Variants in ARHGAP26 observed in about 807,000 individuals in gnomAD.
The protein encoded by ARHGAP26 is rho GTPase-activating protein 26.
Under a neutral mutation model 104.8 loss-of-function variants are expected in ARHGAP26, and 38 were observed. The observed-to-expected ratio is 0.36, with a 90% CI of 0.28 to 0.48. The LOEUF (loss-of-function observed/expected upper bound fraction) is 0.48, where lower values mean the gene tolerates loss of function less well. ARHGAP26 is among the 20% of genes least tolerant of loss of function. The pLI, the probability that ARHGAP26 is intolerant of heterozygous loss-of-function variation, is 0.99. For synonymous variants in ARHGAP26, 341 were observed against 340.0 expected, an observed-to-expected ratio of 1.00 and a Z score of -0.03; for missense variants, 704 against 947.9, an observed-to-expected ratio of 0.74 and a Z score of 3.38.
chr5:142,850,317 A>G (rs1246788415), intron 1 of ARHGAP26, among the ~76,000 whole-genome samples: 3 of 152,208 alleles, frequency 2.0e-5, no homozygotes, highest in Non-Finnish European at 2.9e-5. Flanking sequence ...CCTTAGAGGA[A>G]CATCATCCTT....
chr5:143,017,329 GTAT>G (rs1217003092), intron 12 of ARHGAP26, among the ~76,000 whole-genome samples: 1 of 152,188 alleles, frequency 6.6e-6, no homozygotes, highest in Admixed American at 6.5e-5. Context: ...TCAGCTGCTG[GTAT>G]TTTCCAAATG....
Position 143,222,431 on chromosome 5 carries a change from C to T in ARHGAP26, c.2265C>T (p.Tyr755=), listed in dbSNP as rs373130463. ...NGKTGLIPEN[Y]VEFL ...AGACTGGCCTCATCCCTGAGAATTACGTGGAGTTCCTCTAACCGTGGGCCC... is the reference window on the plus strand; with the variant it reads ...AGACTGGCCTCATCCCTGAGAATTATGTGGAGTTCCTCTAACCGTGGGCCC... The change falls in exon 23 of 23, where the codon TAC becomes TAT. Residue 755 remains tyrosine (Y), a synonymous_variant. Coordinates refer to ENST00000645722, the MANE Select transcript of ARHGAP26 (RefSeq NM_001135608.3). 4.5e-5 allele frequency: 72 copies of T among 1,598,196 alleles called. No homozygotes were observed. In the African/African-American group the frequency reaches 6.9e-4, roughly 15 times the overall value.
intron 1 of ARHGAP26, among the ~76,000 whole-genome samples, chr5:142,785,095 T>G (rs1758297340): frequency 6.6e-6 from 1 of 152,054 alleles, no homozygotes; most frequent in South Asian, 2.1e-4. Context: ...CATGCCCGGC[T>G]AATTTTTTGT....
At chr5:142,802,591 G>A (rs982858083) in intron 1 of ARHGAP26, among the ~76,000 whole-genome samples, 9 of 152,186 alleles carry the variant, frequency 5.9e-5, no homozygotes, top group African/African-American at 1.7e-4. Flanking sequence ...GATGTTAAGC[G>A]GGGATTCCAT....
At chr5:143,037,132 A>T in intron 12 of ARHGAP26, 64 bp from the exon 13 acceptor site, 1 of 1,385,066 alleles carries the variant, frequency 7.2e-7, no homozygotes, top group Non-Finnish European at 1.0e-6. Context: ...TGGTTTGGTT[A>T]AGCCCTATCC....
At chr5:142,965,157 A>G (rs1454811830) in intron 11 of ARHGAP26, among the ~76,000 whole-genome samples, 3 of 152,184 alleles carry the variant, frequency 2.0e-5, no homozygotes, top group Admixed American at 6.5e-5. Flanking sequence ...TACTACTGCT[A>G]TCTAGAAGGC....
At chr5:142,964,246 T>G (rs1479145031) in intron 11 of ARHGAP26, among the ~76,000 whole-genome samples, 1 of 152,198 alleles carries the variant, frequency 6.6e-6, no homozygotes, top group Non-Finnish European at 1.5e-5. Flanking sequence ...GTAAGTAGGC[T>G]TAATGCAGTT....
rs1811405944 is a variant in ARHGAP26, at chr5:143,223,175, C to G, written c.*729C>G. 3 of 233,356 alleles carry G rather than the reference C, an allele frequency of 1.3e-5. No homozygotes were observed. In the South Asian group the frequency reaches 5.4e-4, roughly 42 times the overall value. The allele number at this position is 233,356 out of a possible 1,614,324, so 14.5% of individuals were successfully genotyped here. ...AGTAACCACGGCAACCCAACCTACTCTAAAACCAAACCAAAAAAATAAAAT... is the reference window on the plus strand; with the variant it reads ...AGTAACCACGGCAACCCAACCTACTGTAAAACCAAACCAAAAAAATAAAAT... On this transcript the variant is annotated 3_prime_UTR_variant, in exon 23 of 23. Transcript: ENST00000645722.
intron 1 of ARHGAP26, among the ~76,000 whole-genome samples, chr5:142,834,366 T>G (rs1769136362): frequency 6.6e-6 from 1 of 152,246 alleles, no homozygotes; most frequent in Non-Finnish European, 1.5e-5. Flanking sequence ...CAACTTGGAT[T>G]TTGCCTCCTG....
intron 1 of ARHGAP26, among the ~76,000 whole-genome samples, chr5:142,858,748 T>A (rs114960720): frequency 0.018 from 2,706 of 152,242 alleles, 36 homozygotes; most frequent in Non-Finnish European, 0.028. Context: ...TCAAAGAGAT[T>A]ACCAATTGAA....
At chr5:143,174,370 G>A (rs1036564063) in intron 20 of ARHGAP26, among the ~76,000 whole-genome samples, 2 of 152,060 alleles carry the variant, frequency 1.3e-5, no homozygotes, top group Admixed American at 6.6e-5. Context: ...AATAACTGGT[G>A]GTCATTTGTT....
At chr5:143,017,254 C>G (rs1779717451) in intron 12 of ARHGAP26, among the ~76,000 whole-genome samples, 1 of 152,226 alleles carries the variant, frequency 6.6e-6, no homozygotes, top group South Asian at 2.1e-4. Flanking sequence ...TTGCTTTCAT[C>G]TCGAAGTTTC....
rs10062064 is a variant in ARHGAP26, at chr5:142,832,503, C to T, written c.155-40897C>T. 9.4e-3 allele frequency among the ~76,000 whole-genome samples: 1,439 copies of T among 152,318 alleles called. 24 individuals carry two copies. The highest frequency in any genetic ancestry group is 0.033 in the African/African-American group (1,382 of 41,566). The stretch of plus-strand genomic sequence containing the variant: ...CTGGCACCCTCATCTTGTCTTCCAG[C>T]CTCCAGAACTGTGAGAAAATAAAGT... On this transcript the variant is annotated intron_variant, in intron 1 of 22. Coordinates refer to ENST00000645722, the MANE Select transcript of ARHGAP26 (RefSeq NM_001135608.3).
At chr5:142,911,173 C>T (rs975104342) in intron 9 of ARHGAP26, among the ~76,000 whole-genome samples, 1 of 152,166 alleles carries the variant, frequency 6.6e-6, no homozygotes, top group African/African-American at 2.4e-5. Context: ...CTCTGCAGAT[C>T]TGGAGCAGCC....
chr5:142,908,044 G>A (rs1034242191), intron 9 of ARHGAP26, among the ~76,000 whole-genome samples: 6 of 152,092 alleles, frequency 3.9e-5, no homozygotes, highest in Admixed American at 1.3e-4. Context: ...AAATATTTTT[G>A]TATTTCACAT....
At chr5:142,996,887 G>A (rs1402519165) in intron 11 of ARHGAP26, among the ~76,000 whole-genome samples, 1 of 152,038 alleles carries the variant, frequency 6.6e-6, no homozygotes, top group Non-Finnish European at 1.5e-5. Flanking sequence ...TGAGTAAAGA[G>A]GTCCAAGGAG....
At chr5:142,992,082 C>T (rs1365383525) in intron 11 of ARHGAP26, among the ~76,000 whole-genome samples, 4 of 152,014 alleles carry the variant, frequency 2.6e-5, no homozygotes, top group Admixed American at 2.6e-4. Flanking sequence ...TGAATATTCC[C>T]TATGGTTATT....
intron 1 of ARHGAP26, 104 bp from the exon 2 acceptor site, chr5:142,873,296 A>C (rs1755603808): frequency 1.3e-6 from 1 of 762,596 alleles, no homozygotes. Context: ...CTCAGGAACA[A>C]ATCCGCCTCC....
intron 17 of ARHGAP26, among the ~76,000 whole-genome samples, chr5:143,109,430 T>C (rs972556886): frequency 2.0e-4 from 30 of 152,228 alleles, no homozygotes; most frequent in Non-Finnish European, 4.3e-4. Flanking sequence ...AAAGTTCTTA[T>C]CTCTTTTTGG....
Sources: gnomAD v4.1 joint callset for allele counts (sites outside exome capture counted in the v4.1 genomes callset) on GRCh38, gnomAD v4.1.1 for gene constraint, MANE v1.5 for transcripts, NCBI Gene and HGNC (gene_info 2026-07-23, HGNC 2026-07-21) for gene names.